EED: variants seen among roughly 807,000 people sequenced by gnomAD.
EED encodes the protein embryonic ectoderm development, also known as polycomb protein EED.
A neutral mutation model predicts 61.0 loss-of-function variants in EED; 9 were observed. That is an observed-to-expected ratio of 0.15 (90% confidence interval 0.09 to 0.26). The LOEUF (loss-of-function observed/expected upper bound fraction) is 0.26, where lower values mean the gene tolerates loss of function less well. EED is among the 10% of genes least tolerant of loss of function. The pLI, the probability that EED is intolerant of heterozygous loss-of-function variation, is 1.00. For synonymous variants in EED, 187 were observed against 174.4 expected (o/e 1.07, Z -0.57); for missense variants, 315 against 542.3 (o/e 0.58, Z 4.16).
At chr11:86,249,629 TG>T (rs1412985843) in intron 1 of EED, among the ~76,000 whole-genome samples, 1 of 152,122 alleles carries the variant, frequency 6.6e-6, no homozygotes, top group Non-Finnish European at 1.5e-5. Context: ...TTACTTTAAT[TG>T]TGATTGAGAG....
chr11:86,247,083 C>A (rs1285850198), intron 1 of EED, among the ~76,000 whole-genome samples: 1 of 152,150 alleles, frequency 6.6e-6, no homozygotes, highest in African/African-American at 2.4e-5. Flanking sequence ...AACTGTCAGA[C>A]CTGTTTAGAA....
At position 86,277,015 on chromosome 11, in the gene EED, C is replaced by T. The variant is rs199620409; in HGVS notation, c.1002C>T (p.Gly334=). 2.0e-6 allele frequency: 3 copies of T among 1,531,174 alleles called. No individual in the cohort carries two copies. The highest frequency in any genetic ancestry group is 2.7e-6 in the Non-Finnish European group (3 of 1,127,584). 94.8% of individuals were successfully genotyped at this position (1,531,174 alleles called of 1,614,324 possible). Residue 334 remains glycine, a synonymous_variant, in exon 10 of 12, where the codon GGC becomes GGT. Transcript: ENST00000263360. ...CENAIVCWKP[G]KMEDDIDKIK... ...ATGCCATTGTGTGCTGGAAACCTGG[C>T]AAGATGGAAGATGATATAGATAAAA...
At chr11:86,253,441 A>C (rs1484178328) in intron 3 of EED, among the ~76,000 whole-genome samples, 1 of 152,182 alleles carries the variant, frequency 6.6e-6, no homozygotes, top group Non-Finnish European at 1.5e-5. Flanking sequence ...CAGTGTGCTG[A>C]TTGCAGTGTT....
intron 7 of EED, chr11:86,264,962 G>A (rs928542808): frequency 6.6e-6 from 1 of 152,090 alleles, no homozygotes; most frequent in Non-Finnish European, 1.5e-5. Flanking sequence ...TTAGTTGAAG[G>A]TACTAAAATA....
chr11:86,265,974 TG>T, intron 7 of EED, 108 bp from the exon 8 acceptor site: 3 of 920,182 alleles, frequency 3.3e-6, no homozygotes, highest in Non-Finnish European at 4.8e-6. Context: ...AAATGTAGTT[TG>T]TATTGTGATT....
At chr11:86,272,381 T>A (rs2138220514) in intron 9 of EED, among the ~76,000 whole-genome samples, 1 of 152,206 alleles carries the variant, frequency 6.6e-6, no homozygotes, top group South Asian at 2.1e-4. Flanking sequence ...TTTGCTCAAC[T>A]TTTATCAGTT....
chr11:86,251,960 A>G, intron 2 of EED, among the ~76,000 whole-genome samples, 188 bp from the exon 3 acceptor site: 1 of 152,236 alleles, frequency 6.6e-6, no homozygotes, highest in East Asian at 1.9e-4. Context: ...TTTATCATAC[A>G]CAATATTTTA....
intron 10 of EED, 159 bp downstream of exon 10, chr11:86,277,297 G>T: frequency 3.3e-6 from 2 of 605,148 alleles, no homozygotes; most frequent in East Asian, 3.1e-5. Flanking sequence ...CAAATACTTT[G>T]GTGTTATTCA....
At chr11:86,272,646 AC>A (rs1269814552) in intron 9 of EED, among the ~76,000 whole-genome samples, 2 of 152,124 alleles carry the variant, frequency 1.3e-5, no homozygotes, top group Non-Finnish European at 1.5e-5. Flanking sequence ...CAGTTCTGTC[AC>A]GTTTTGCAGT....
At chr11:86,255,903 A>G (rs1945658005) in intron 4 of EED, among the ~76,000 whole-genome samples, 1 of 152,236 alleles carries the variant, frequency 6.6e-6, no homozygotes, top group Non-Finnish European at 1.5e-5. Flanking sequence ...CAAGGCAAGG[A>G]CATTCAGTCT....
At chr11:86,262,903 C>G (rs754183489) in intron 6 of EED, among the ~76,000 whole-genome samples, 1 of 151,732 alleles carries the variant, frequency 6.6e-6, no homozygotes, top group Non-Finnish European at 1.5e-5. Context: ...CCCAAAACTC[C>G]TAGGCTCAAT....
At chr11:86,264,097 G>T in intron 6 of EED, 75 bp from the exon 7 acceptor site, 1 of 1,196,164 alleles carries the variant, frequency 8.4e-7, no homozygotes. Flanking sequence ...GACTTTAGTA[G>T]TTTTTCTTTC....
At chr11:86,286,069 C>T in the EED span, among the ~76,000 whole-genome samples, 9 of 151,796 alleles carry the variant, frequency 5.9e-5, no homozygotes, top group Non-Finnish European at 1.0e-4. Context: ...CTCGCTCTGT[C>T]GCCCAGGCTG....
At chr11:86,249,009 T>C (rs1945460290) in intron 1 of EED, among the ~76,000 whole-genome samples, 1 of 152,030 alleles carries the variant, frequency 6.6e-6, no homozygotes, top group South Asian at 2.1e-4. Context: ...AAAAAAGAGT[T>C]GTAAGATAGC....
chr11:86,244,928 G>C lies in EED; in HGVS notation c.-302G>C. On this transcript the variant is annotated 5_prime_UTR_variant, in exon 1 of 12. Transcript: ENST00000263360. ...CTTAATACTGCCCTCTTAATCCAACGGACCTTACATCGTGTAGACTGCCGG... is the reference window on the plus strand; with the variant it reads ...CTTAATACTGCCCTCTTAATCCAACCGACCTTACATCGTGTAGACTGCCGG... The C allele has an allele frequency of 2.9e-6, 1 of 344,246 alleles. No homozygotes were observed. The highest frequency in any genetic ancestry group is 5.3e-5 in the East Asian group (1 of 18,892). 21.3% of individuals were successfully genotyped at this position (344,246 alleles called of 1,614,324 possible).
the EED span, among the ~76,000 whole-genome samples, chr11:86,286,099 C>T: frequency 3.3e-5 from 5 of 152,120 alleles, no homozygotes; most frequent in South Asian, 4.1e-4. Context: ...GGTGCAATCT[C>T]GGCTCACTGC....
chr11:86,246,127 G>C (rs1445165547), intron 1 of EED, among the ~76,000 whole-genome samples: 3 of 152,224 alleles, frequency 2.0e-5, no homozygotes, highest in Non-Finnish European at 4.4e-5. Context: ...TTTAAGCTCT[G>C]AAATGGGTAT....
At chr11:86,269,443 G>C (rs1327251084) in intron 9 of EED, among the ~76,000 whole-genome samples, 1 of 152,112 alleles carries the variant, frequency 6.6e-6, no homozygotes, top group Non-Finnish European at 1.5e-5. Flanking sequence ...TTGCTGTCCG[G>C]TTTCTTTTCT....
chr11:86,254,631 A>T (rs1358219144), intron 3 of EED, among the ~76,000 whole-genome samples: 16 of 124,298 alleles, frequency 1.3e-4, no homozygotes, highest in Admixed American at 6.6e-4. Context: ...ATTTTATTTT[A>T]TTTTTTTTTG....
Sources: gnomAD v4.1 joint callset for allele counts (sites outside exome capture counted in the v4.1 genomes callset) on GRCh38, gnomAD v4.1.1 for gene constraint, MANE v1.5 for transcripts, NCBI Gene and HGNC (gene_info 2026-07-23, HGNC 2026-07-21) for gene names.